KIAA1328: variants seen among roughly 807,000 people sequenced by gnomAD.
KIAA1328 encodes protein hinderin.
In KIAA1328, 52 loss-of-function variants were observed where a neutral mutation model predicts 68.1. The ratio of observed to expected loss-of-function variants is 0.76; its 90% CI spans 0.61 to 0.96. The LOEUF is 0.96. KIAA1328 is among the 40% of genes least tolerant of loss of function. The pLI, the probability that KIAA1328 is intolerant of heterozygous loss-of-function variation, is 0.00. For synonymous variants in KIAA1328, 232 were observed against 239.4 expected (o/e 0.97, Z 0.28); for missense variants, 641 against 677.6 (o/e 0.95, Z 0.60).
At chr18:36,925,957 CT>C (rs1322203194) in intron 5 of KIAA1328, among the ~76,000 whole-genome samples, 2 of 151,926 alleles carry the variant, frequency 1.3e-5, no homozygotes, top group Admixed American at 6.6e-5. Flanking sequence ...CCCCTTTCCA[CT>C]TTGATTTCTT....
intron 1 of KIAA1328, among the ~76,000 whole-genome samples, chr18:36,831,489 T>C (rs1229306736): frequency 2.0e-5 from 3 of 152,214 alleles, no homozygotes; most frequent in Non-Finnish European, 2.9e-5. Context: ...TTGTCCTTCA[T>C]TACAGTTCCT....
chr18:37,160,223 G>A lies in KIAA1328; in HGVS notation c.1256G>A (p.Gly419Asp), dbSNP rs2059248434. The change falls in exon 8 of 10, where the codon GGC becomes GAC. Residue 419 changes from glycine to aspartate, a missense_variant. Coordinates refer to ENST00000280020, the MANE Select transcript of KIAA1328 (RefSeq NM_020776.3). ...AGTTTATTGAAGTCAAACTGTGATGGCTGGCTGCTTGGAACATCATCATCT... is the reference window on the plus strand; with the variant it reads ...AGTTTATTGAAGTCAAACTGTGATGACTGGCTGCTTGGAACATCATCATCT... ...YNCLLKSNCDGWLLGTSSSIK... is the reference protein window; with the variant it reads ...YNCLLKSNCDDWLLGTSSSIK... The A allele has an allele frequency of 6.2e-7, 1 of 1,612,524 alleles. No individual in the cohort carries two copies. The highest frequency in any genetic ancestry group is 1.7e-5 in the Admixed American group (1 of 59,826).
chr18:36,877,407 C>T (rs2048165714), intron 4 of KIAA1328, among the ~76,000 whole-genome samples: 1 of 151,886 alleles, frequency 6.6e-6, no homozygotes, highest in African/African-American at 2.4e-5. Context: ...TGCATTGATC[C>T]CTTTACCATT....
chr18:37,037,369 A>C (rs529171917), intron 6 of KIAA1328, among the ~76,000 whole-genome samples: 1 of 152,302 alleles, frequency 6.6e-6, no homozygotes, highest in African/African-American at 2.4e-5. Flanking sequence ...TAGTTACTGT[A>C]ATTCACCCCA....
chr18:37,100,225 C>T (rs538795538), intron 7 of KIAA1328, among the ~76,000 whole-genome samples: 25 of 152,280 alleles, frequency 1.6e-4, no homozygotes, highest in African/African-American at 4.3e-4. Flanking sequence ...GGCAAGGCAT[C>T]GCCTCACCCA....
At chr18:37,187,774 A>G (rs957343671) in intron 9 of KIAA1328, among the ~76,000 whole-genome samples, 1 of 152,158 alleles carries the variant, frequency 6.6e-6, no homozygotes, top group Non-Finnish European at 1.5e-5. Flanking sequence ...ATGGAAGCCA[A>G]TCCCTGCCTA....
intron 6 of KIAA1328, among the ~76,000 whole-genome samples, chr18:36,997,361 A>G (rs771408528): frequency 4.6e-5 from 7 of 152,128 alleles, no homozygotes; most frequent in Non-Finnish European, 8.8e-5. Flanking sequence ...GCTAGCTTCT[A>G]TGATTTTCGT....
chr18:36,892,160 T>C (rs1182021651), intron 5 of KIAA1328, among the ~76,000 whole-genome samples: 1 of 151,744 alleles, frequency 6.6e-6, no homozygotes, highest in Non-Finnish European at 1.5e-5. Context: ...GGAACCATAC[T>C]GCAGGAAGCT....
At chr18:37,020,315 G>A (rs759092481) in intron 6 of KIAA1328, among the ~76,000 whole-genome samples, 55 of 152,068 alleles carry the variant, frequency 3.6e-4, no homozygotes, top group Admixed American at 1.6e-3. Context: ...TAGAGACAGG[G>A]TTTCACTATG....
At chr18:37,171,376 C>G (rs1465874828) in intron 8 of KIAA1328, among the ~76,000 whole-genome samples, 3 of 152,026 alleles carry the variant, frequency 2.0e-5, no homozygotes, top group Non-Finnish European at 4.4e-5. Context: ...TGCCACCACA[C>G]CTGGCTAATT....
At chr18:37,096,368 G>A (rs538997642) in intron 7 of KIAA1328, among the ~76,000 whole-genome samples, 1 of 152,128 alleles carries the variant, frequency 6.6e-6, no homozygotes, top group East Asian at 1.9e-4. Context: ...GAGAATGATG[G>A]TTTCCAGCTT....
At chr18:37,216,215 C>A (rs144828001) in intron 9 of KIAA1328, among the ~76,000 whole-genome samples, 1,531 of 152,234 alleles carry the variant, frequency 0.01, 11 homozygotes, top group Non-Finnish European at 0.017. Flanking sequence ...TCTTGCTTTT[C>A]TAGTTCTTTT....
intron 5 of KIAA1328, among the ~76,000 whole-genome samples, chr18:36,916,202 C>A (rs2049692271): frequency 1.0e-5 from 1 of 96,712 alleles, no homozygotes. Flanking sequence ...CACTGGGATT[C>A]CAATTTATAT....
intron 7 of KIAA1328, among the ~76,000 whole-genome samples, chr18:37,114,984 T>G (rs2058059816): frequency 6.6e-6 from 1 of 152,158 alleles, no homozygotes; most frequent in Admixed American, 6.5e-5. Context: ...AATCCCTGAA[T>G]AGACCAGTAA....
At chr18:36,999,957 A>G (rs1221253384) in intron 6 of KIAA1328, among the ~76,000 whole-genome samples, 5 of 152,176 alleles carry the variant, frequency 3.3e-5, no homozygotes, top group Admixed American at 6.5e-5. Flanking sequence ...CAAAGAATAT[A>G]TAAGACAATC....
At chr18:36,882,982 T>C (rs2048371291) in intron 4 of KIAA1328, among the ~76,000 whole-genome samples, 1 of 152,356 alleles carries the variant, frequency 6.6e-6, no homozygotes, top group African/African-American at 2.4e-5. Context: ...TTTAGATCCC[T>C]TTTGGAAACT....
At chr18:37,140,705 C>T (rs916553608) in intron 7 of KIAA1328, among the ~76,000 whole-genome samples, 2 of 152,132 alleles carry the variant, frequency 1.3e-5, no homozygotes, top group Non-Finnish European at 2.9e-5. Flanking sequence ...CTGTCTTCTG[C>T]TATCTTGATA....
chr18:36,921,022 G>C (rs1216055191), intron 5 of KIAA1328: 1 of 152,182 alleles, frequency 6.6e-6, no homozygotes, highest in African/African-American at 2.4e-5. Context: ...CTGCCTTTAG[G>C]CAACAAGCTG....
chr18:36,994,271 G>A (rs1381894912), intron 6 of KIAA1328, among the ~76,000 whole-genome samples: 2 of 152,130 alleles, frequency 1.3e-5, no homozygotes, highest in Non-Finnish European at 2.9e-5. Context: ...TAGTCTAAAG[G>A]AAAGCTCACA....
Sources: gnomAD v4.1 joint callset for allele counts (sites outside exome capture counted in the v4.1 genomes callset) on GRCh38, gnomAD v4.1.1 for gene constraint, MANE v1.5 for transcripts, NCBI Gene and HGNC (gene_info 2026-07-23, HGNC 2026-07-21) for gene names.